TMEM131L: variants seen among roughly 807,000 people sequenced by gnomAD.
TMEM131L encodes transmembrane 131 like.
Under a neutral mutation model 192.2 loss-of-function variants are expected in TMEM131L, and 54 were observed. The observed-to-expected ratio is 0.28, with a 90% confidence interval of 0.23 to 0.35. The LOEUF is 0.35. Among genes scored for constraint, TMEM131L ranks in the 10% least tolerant of loss-of-function variants. The probability of loss-of-function intolerance (pLI) is 1.00; values close to 1 mark genes in which losing one functional copy is unlikely to be tolerated. For synonymous variants in TMEM131L, 701 were observed against 704.9 expected (o/e 0.99, Z 0.09); for missense variants, 1,888 against 1,972.9 (o/e 0.96, Z 0.82).
At chr4:153,470,890 A>G (rs1479660761) in intron 2 of TMEM131L, among the ~76,000 whole-genome samples, 1 of 152,174 alleles carries the variant, frequency 6.6e-6, no homozygotes, top group Non-Finnish European at 1.5e-5. Context: ...CCCGCTGGTC[A>G]TTCAGGGCCT....
intron 3 of TMEM131L, among the ~76,000 whole-genome samples, chr4:153,500,065 T>A (rs1186190789): frequency 6.6e-6 from 1 of 152,020 alleles, no homozygotes; most frequent in African/African-American, 2.4e-5. Context: ...TCCGTTCCCT[T>A]CCGTTCCCTT....
intron 3 of TMEM131L, among the ~76,000 whole-genome samples, chr4:153,501,394 G>A (rs1733599731): frequency 6.6e-6 from 1 of 151,920 alleles, no homozygotes; most frequent in South Asian, 2.1e-4. Context: ...GAGAGACAGG[G>A]TTTCACCGTG....
At chr4:153,534,215 G>T (rs1580156319) in intron 3 of TMEM131L, among the ~76,000 whole-genome samples, 1 of 152,314 alleles carries the variant, frequency 6.6e-6, no homozygotes, top group East Asian at 1.9e-4. Context: ...CCAAAATCTA[G>T]TGGACCTTGC....
In TMEM131L at chr4:153,612,766, C is replaced by T. The variant is rs572061864; in HGVS notation, c.3567+366C>T. On this transcript the variant is annotated intron_variant, in intron 26 of 34. Coordinates refer to ENST00000409959, the MANE Select transcript of TMEM131L (RefSeq NM_001131007.2). ...TGTATTGCTTTTTGTCTGTCTTTGTCCTCATATCTATTATCGTCTTCTGTC... is the reference window on the plus strand; with the variant it reads ...TGTATTGCTTTTTGTCTGTCTTTGTTCTCATATCTATTATCGTCTTCTGTC... 3.2e-4 allele frequency among the ~76,000 whole-genome samples: 49 copies of T among 152,046 alleles called. 1 individual carries two copies. The South Asian group carries it at 8.7e-3, about 27-fold the overall frequency.
Position 153,636,467 on chromosome 4 carries a change from G to A in TMEM131L, c.4724G>A (p.Gly1575Glu), listed in dbSNP as rs760685102. ...GTCGTGTGCAAGGAATACTACCCGG[G>A]GTTCAACCCGTTTCGCGCCTATATG... is the stretch of plus-strand genomic sequence containing the variant. ...QAVVCKEYYP[G>E]FNPFRAYMNL... The change falls in exon 35 of 35, where the codon GGG becomes GAG. Residue 1575 changes from glycine (G) to glutamate (E), a missense_variant. Transcript: ENST00000409959. The A allele has an allele frequency of 6.2e-7, 1 of 1,614,076 alleles. No homozygotes were observed. Among genetic ancestry groups the A allele is most frequent in the Non-Finnish European group, 8.5e-7 (1 of 1,180,014 alleles).
chr4:153,570,620 G>A (rs1324344824), intron 7 of TMEM131L, among the ~76,000 whole-genome samples: 1 of 152,008 alleles, frequency 6.6e-6, no homozygotes, highest in Non-Finnish European at 1.5e-5. Context: ...TTCTTCCTTG[G>A]GCCCTTGTTT....
chr4:153,537,422 A>G (rs1314471767), intron 3 of TMEM131L, among the ~76,000 whole-genome samples: 1 of 152,052 alleles, frequency 6.6e-6, no homozygotes, highest in Non-Finnish European at 1.5e-5. Context: ...AAGAATGGCT[A>G]CTCCATAGTC....
intron 3 of TMEM131L, among the ~76,000 whole-genome samples, chr4:153,499,672 A>G (rs868549316): frequency 6.6e-6 from 1 of 151,966 alleles, no homozygotes; most frequent in Non-Finnish European, 1.5e-5. Flanking sequence ...TGATCTGTCC[A>G]CCTTGGCCTC....
At chr4:153,513,823 A>G (rs746401603) in intron 3 of TMEM131L, among the ~76,000 whole-genome samples, 4 of 152,174 alleles carry the variant, frequency 2.6e-5, no homozygotes, top group African/African-American at 9.7e-5. Flanking sequence ...GACCCTCTCT[A>G]TGTCATTATC....
Position 153,593,876 on chromosome 4 carries a change from G to T in TMEM131L, c.1995+5G>T. The T allele has an allele frequency of 6.2e-7, 1 of 1,601,398 alleles. No individual in the cohort carries two copies. The highest frequency in any genetic ancestry group is 8.6e-7 in the Non-Finnish European group (1 of 1,168,582). On this transcript the variant is annotated splice_donor_5th_base_variant and intron_variant, in intron 19 of 34. Coordinates refer to ENST00000409959, the MANE Select transcript of TMEM131L (RefSeq NM_001131007.2). ...ACCGAAGCTTGCCCTTACCTGGTAG[G>T]ATGTTATCCTAAAACAGAAAAAAGA...
At chr4:153,477,909 A>C (rs772250336) in intron 3 of TMEM131L, among the ~76,000 whole-genome samples, 12 of 152,182 alleles carry the variant, frequency 7.9e-5, no homozygotes, top group Non-Finnish European at 2.9e-5. Flanking sequence ...TACTACAATA[A>C]ATTTTAGAAG....
chr4:153,494,614 T>G (rs1733030275), intron 3 of TMEM131L, among the ~76,000 whole-genome samples: 1 of 152,220 alleles, frequency 6.6e-6, no homozygotes, highest in Non-Finnish European at 1.5e-5. Context: ...ACAGTCTTAT[T>G]GTCCTGAGCA....
intron 7 of TMEM131L, among the ~76,000 whole-genome samples, chr4:153,559,972 C>T (rs1236675591): frequency 5.9e-5 from 9 of 152,084 alleles, no homozygotes; most frequent in Admixed American, 5.9e-4. Flanking sequence ...GTTTTCCCTC[C>T]TGCCACAGGT....
At chr4:153,560,298 G>A (rs1728766726) in intron 7 of TMEM131L, among the ~76,000 whole-genome samples, 1 of 152,208 alleles carries the variant, frequency 6.6e-6, no homozygotes, top group Admixed American at 6.5e-5. Flanking sequence ...CAGTGGTTGA[G>A]TGGAGTTTTG....
At chr4:153,483,118 C>CA (rs1017531560) in intron 3 of TMEM131L, among the ~76,000 whole-genome samples, 5 of 152,000 alleles carry the variant, frequency 3.3e-5, no homozygotes, top group African/African-American at 1.2e-4. Flanking sequence ...TTTCCTGAAA[C>CA]AAAAAAAGTA....
intron 18 of TMEM131L, among the ~76,000 whole-genome samples, chr4:153,593,039 T>C (rs1455743594): frequency 6.6e-6 from 1 of 152,170 alleles, no homozygotes; most frequent in African/African-American, 2.4e-5. Context: ...ATGGAAAAAT[T>C]GGCCCTCCTT....
In TMEM131L at chr4:153,580,818, T is replaced by C; in HGVS notation, c.661-8T>C. 6.3e-7 allele frequency: 1 copy of C among 1,593,232 alleles called. No individual in the cohort carries two copies. The highest frequency in any genetic ancestry group is 8.6e-7 in the Non-Finnish European group (1 of 1,162,756). Reference sequence around the variant, plus strand: ...TAAAGTTCTTTTCCTCCTTTTTTCTTCTTTTAGGCAGAAACCACTAATACT... The same window carrying C: ...TAAAGTTCTTTTCCTCCTTTTTTCTCCTTTTAGGCAGAAACCACTAATACT... On this transcript the variant is annotated splice_region_variant and splice_polypyrimidine_tract_variant and intron_variant, in intron 7 of 34. Transcript: ENST00000409959.
At chr4:153,633,994 A>G (rs1201753441) in intron 32 of TMEM131L, among the ~76,000 whole-genome samples, 198 bp from the exon 33 acceptor site, 1 of 152,206 alleles carries the variant, frequency 6.6e-6, no homozygotes, top group Non-Finnish European at 1.5e-5. Context: ...CCAGCCGTCC[A>G]TCCTGCAGAT....
chr4:153,634,233 G>C lies in TMEM131L; in HGVS notation c.4370G>C (p.Ser1457Thr). 6.2e-7 allele frequency: 1 copy of C among 1,614,148 alleles called. No individual in the cohort carries two copies. Among genetic ancestry groups the C allele is most frequent in the Non-Finnish European group, 8.5e-7 (1 of 1,179,992 alleles). Residue 1457 changes from serine (S) to threonine (T), a missense_variant, in exon 33 of 35, where the codon AGC (serine) becomes ACC (threonine). Coordinates refer to ENST00000409959, the MANE Select transcript of TMEM131L (RefSeq NM_001131007.2). ...GCAACATGCGAAGGCCAGTTTTCCA[G>C]CGCATACTGTCCATTGGAATTGAAC... ...WSATCEGQFS[S>T]AYCPLELNDY...
Sources: gnomAD v4.1 joint callset for allele counts (sites outside exome capture counted in the v4.1 genomes callset) on GRCh38, gnomAD v4.1.1 for gene constraint, MANE v1.5 for transcripts, NCBI Gene and HGNC (gene_info 2026-07-23, HGNC 2026-07-21) for gene names.